The following REEP4 variants were observed in gnomAD, a reference collection of about 807,000 sequenced individuals.
The protein encoded by REEP4 is receptor accessory protein 4, also known as receptor expression-enhancing protein 4.
REEP4 carries 17 observed loss-of-function variants against 33.5 expected under a neutral mutation model. That is an observed-to-expected ratio of 0.51 (90% confidence interval 0.35 to 0.76). The LOEUF (loss-of-function observed/expected upper bound fraction) is 0.76. Among genes scored for constraint, REEP4 ranks in the 30% least tolerant of loss-of-function variants. The pLI is 0.01. For synonymous variants in REEP4, 157 were observed against 142.9 expected, an observed-to-expected ratio of 1.10 and a Z score of -0.70; for missense variants, 340 against 357.9, an observed-to-expected ratio of 0.95 and a Z score of 0.40.
Position 22,138,287 on chromosome 8 carries a change from C to T in REEP4, c.*200G>A, listed in dbSNP as rs778080077. ...GCAATAAATAGAACCCTGGGCCCAG[C>T]CTGCTTTGGTACATTGTGGGTGCAT... On this transcript the variant is annotated 3_prime_UTR_variant, in exon 8 of 8. Coordinates refer to ENST00000306306, the MANE Select transcript of REEP4 (RefSeq NM_025232.4). 3 of 717,244 alleles carry T rather than the reference C, an allele frequency of 4.2e-6. No homozygotes were observed. Among genetic ancestry groups the T allele is most frequent in the Non-Finnish European group, 7.5e-6 (3 of 400,804 alleles). 44.4% of individuals were successfully genotyped at this position (717,244 alleles called of 1,614,324 possible). A position where few individuals can be genotyped will look rare whatever the true frequency, so the allele number is the denominator to read the frequency against.
intron 1 of REEP4, 147 bp downstream of exon 1, chr8:22,141,304 G>T: frequency 1.0e-6 from 1 of 972,184 alleles, no homozygotes; most frequent in Non-Finnish European, 1.5e-6. Context: ...GACACCGCGT[G>T]CAAGCCCACA....
At position 22,140,789 on chromosome 8, in the gene REEP4, C is replaced by A. The variant is rs1586400238; in HGVS notation, c.33-92G>T. 1.4e-5 allele frequency: 15 copies of A among 1,065,250 alleles called. No homozygotes were observed. In the East Asian group the frequency reaches 3.6e-4, roughly 25 times the overall value. The allele number at this position is 1,065,250 out of a possible 1,614,324, so 66.0% of individuals were successfully genotyped here. ...TTCCCCCCACTGGGGTGCAAGGTGG[C>A]AGTACCCGCCCTGTTTTTCTCGCTT... On this transcript the variant is annotated intron_variant, in intron 1 of 7. Transcript: ENST00000306306.
In REEP4 at chr8:22,140,494, C is replaced by T. The variant is rs1015924350; in HGVS notation, c.105+131G>A. ...TCTATCTACACCCTCTTGAACAGGG[C>T]CCATTCTCTCTCCCTCCCCACTCCA... On this transcript the variant is annotated intron_variant, in intron 2 of 7. Transcript: ENST00000306306. The T allele has an allele frequency of 6.8e-6, 6 of 880,980 alleles. No individual in the cohort carries two copies. The African/African-American group carries it at 1.0e-4, about 15-fold the overall frequency. 54.6% of individuals were successfully genotyped at this position (880,980 alleles called of 1,614,324 possible). A position where few individuals can be genotyped will look rare whatever the true frequency, so the allele number is the denominator to read the frequency against.
Position 22,138,728 on chromosome 8 carries a change from C to A in REEP4, c.619G>T (p.Val207Phe). ...CGGGGCCGGGCTGGCGCCCGGGGGACTGCCTCAGTATCTGACCAACACTCA... is the reference window on the plus strand; with the variant it reads ...CGGGGCCGGGCTGGCGCCCGGGGGAATGCCTCAGTATCTGACCAACACTCA... ...EDECWSDTEA[V>F]PRAPARPREK... Residue 207 changes from valine (V) to phenylalanine (F), a missense_variant, in exon 7 of 8, where the codon GTC becomes TTC. By Grantham distance (50) the Val-to-Phe change is conservative (BLOSUM62 -1). Transcript: ENST00000306306. 6.2e-7 allele frequency: 1 copy of A among 1,613,104 alleles called. No individual in the cohort carries two copies. The highest frequency in any genetic ancestry group is 8.5e-7 in the Non-Finnish European group (1 of 1,179,794).
At position 22,138,703 on chromosome 8, in the gene REEP4, CG is replaced by C; in HGVS notation, c.643del (p.Arg215GlufsTer5). ...EAVPRAPARP[R>X]EKPLIRSQSL... is the part of the protein sequence containing the mutation. ...CTGGCTGCGGATTAGGGGCTTCTCT[CG>C]GGGCCGGGCTGGCGCCCGGGGGACT... On this transcript the variant is annotated frameshift_variant, in exon 7 of 8. Transcript: ENST00000306306. LOFTEE classifies it high-confidence loss of function. The C allele has an allele frequency of 2.5e-6, 4 of 1,613,084 alleles. No homozygotes were observed.
At position 22,138,670 on chromosome 8, in the gene REEP4, C is replaced by G. The variant is rs537439147; in HGVS notation, c.677G>C (p.Arg226Pro). The stretch of plus-strand genomic sequence containing the variant: ...CACCGGTGGCTTCCTCTTGACCACA[C>G]GCAGGCTCTGGCTGCGGATTAGGGG... ...EKPLIRSQSL[R>P]VVKRKPPVRE... The change falls in exon 7 of 8, where the codon CGT becomes CCT. Residue 226 changes from arginine to proline, a missense_variant. Coordinates refer to ENST00000306306, the MANE Select transcript of REEP4 (RefSeq NM_025232.4). 1.9e-6 allele frequency: 3 copies of G among 1,613,862 alleles called. No homozygotes were observed. The highest frequency in any genetic ancestry group is 2.5e-6 in the Non-Finnish European group (3 of 1,180,020).
At chr8:22,139,130 G>C (rs1215477024) in intron 5 of REEP4, 69 bp from the exon 6 acceptor site, 1 of 1,540,276 alleles carries the variant, frequency 6.5e-7, no homozygotes. Flanking sequence ...AATCACCGGA[G>C]CTGAGACGCA....
At chr8:22,139,087 G>C in intron 5 of REEP4, 26 bp from the exon 6 acceptor site, 1 of 1,561,326 alleles carries the variant, frequency 6.4e-7, no homozygotes, top group Non-Finnish European at 8.7e-7. Context: ...GGCTTCAGCG[G>C]GGAGGCTGCC....
chr8:22,140,822 A>G, intron 1 of REEP4, 125 bp from the exon 2 acceptor site: 1 of 795,600 alleles, frequency 1.3e-6, no homozygotes. Context: ...CTTGGCTTGT[A>G]CAACCCGTGC....
intron 5 of REEP4, 172 bp downstream of exon 5, chr8:22,139,243 GC>G: frequency 1.0e-6 from 1 of 982,394 alleles, no homozygotes; most frequent in Non-Finnish European, 1.6e-6. Flanking sequence ...CAGTGCCAGA[GC>G]CAGGAAGGAA....
chr8:22,140,522 C>A, intron 2 of REEP4, 103 bp downstream of exon 2: 2 of 1,040,992 alleles, frequency 1.9e-6, no homozygotes, highest in Admixed American at 1.9e-5. Context: ...CCACTCCACT[C>A]AGGATGTGCC....
In REEP4 at chr8:22,139,017, C is replaced by A; in HGVS notation, c.462G>T (p.Gln154His). The change falls in exon 6 of 8, where the codon CAG becomes CAT. Residue 154 changes from glutamine to histidine, a missense_variant. Transcript: ENST00000306306. ...LAGRLRSFSM[Q>H]DLRSISDAPA... Reference sequence around the variant, plus strand: ...GTGCGTCAGAGATGGAGCGCAGGTCCTGCATGGAGAAGCTCCGCAGCCTGC... The same window carrying A: ...GTGCGTCAGAGATGGAGCGCAGGTCATGCATGGAGAAGCTCCGCAGCCTGC... The A allele has an allele frequency of 6.2e-7, 1 of 1,602,588 alleles. No individual in the cohort carries two copies. Among genetic ancestry groups the A allele is most frequent in the Non-Finnish European group, 8.5e-7 (1 of 1,174,934 alleles).
intron 1 of REEP4, among the ~76,000 whole-genome samples, chr8:22,141,194 G>A (rs1293938133): frequency 6.6e-6 from 1 of 152,278 alleles, no homozygotes; most frequent in East Asian, 1.9e-4. Context: ...TAGGCCTGTG[G>A]CCCTCGGCTC....
At chr8:22,138,573 G>A (rs772203078) in intron 7 of REEP4, 21 bp from the exon 8 acceptor site, 3 of 1,613,908 alleles carry the variant, frequency 1.9e-6, no homozygotes, top group Non-Finnish European at 2.5e-6. Context: ...GGGAGGCACA[G>A]CATGAGGGTG....
chr8:22,138,523 C>T lies in REEP4; in HGVS notation c.738G>A (p.Thr246=), dbSNP rs772578590. The T allele has an allele frequency of 9.9e-6, 16 of 1,613,470 alleles. No homozygotes were observed. The highest frequency in any genetic ancestry group is 2.7e-5 in the African/African-American group (2 of 74,942). ...EGTSRSLKVR[T]RKKTVPSDVD... ...CGTCTGAGGGCACAGTCTTTTTCCT[C>T]GTCCGAACCTTCAGGGAGCGCGAGG... The change falls in exon 8 of 8, where the codon ACG becomes ACA. Residue 246 remains threonine, a synonymous_variant. Coordinates refer to ENST00000306306, the MANE Select transcript of REEP4 (RefSeq NM_025232.4).
Position 22,140,126 on chromosome 8 carries a change from G to T in REEP4, c.183-43C>A, listed in dbSNP as rs142774048. 75 of 1,613,878 alleles carry T rather than the reference G, an allele frequency of 4.6e-5. No individual in the cohort carries two copies. In the East Asian group the frequency reaches 1.5e-3, roughly 33 times the overall value. Reference sequence around the variant, plus strand: ...GCAGGGTGAGCCAAGGAGCAGGGCTGGGGGGGCCACCCCTGACCCATGGCT... The same window carrying T: ...GCAGGGTGAGCCAAGGAGCAGGGCTTGGGGGGCCACCCCTGACCCATGGCT... On this transcript the variant is annotated intron_variant, in intron 3 of 7. Transcript: ENST00000306306.
In REEP4 at chr8:22,138,246, G is replaced by A. The variant is rs557239833; in HGVS notation, c.*241C>T. 1 of 661,072 alleles carries A rather than the reference G, an allele frequency of 1.5e-6. No individual in the cohort carries two copies. Among genetic ancestry groups the A allele is most frequent in the Non-Finnish European group, 2.8e-6 (1 of 363,014 alleles). The allele number at this position is 661,072 out of a possible 1,614,324, so 41.0% of individuals were successfully genotyped here. A position where few individuals can be genotyped will look rare whatever the true frequency, so the allele number is the denominator to read the frequency against. On this transcript the variant is annotated 3_prime_UTR_variant, in exon 8 of 8. Coordinates refer to ENST00000306306, the MANE Select transcript of REEP4 (RefSeq NM_025232.4). Reference sequence around the variant, plus strand: ...GCTCTTGTCCCACAACCGGGGAAGGGAGAGGGCAGAGCAAGGCAATAAATA... The same window carrying A: ...GCTCTTGTCCCACAACCGGGGAAGGAAGAGGGCAGAGCAAGGCAATAAATA...
chr8:22,138,853 TTGGGGGAAGCCA>T, intron 6 of REEP4, 60 bp from the exon 7 acceptor site: 1 of 1,556,130 alleles, frequency 6.4e-7, no homozygotes, highest in Middle Eastern at 1.7e-4. Context: ...TCCTCGAGCC[TTGGGGGAAGCCA>T]TGGTGTGAGT....
Position 22,139,963 on chromosome 8 carries a change from C to A in REEP4, c.303G>T (p.Lys101Asn). 6.3e-7 allele frequency: 1 copy of A among 1,587,860 alleles called. No individual in the cohort carries two copies. The highest frequency in any genetic ancestry group is 8.6e-7 in the Non-Finnish European group (1 of 1,166,108). The part of the protein sequence containing the change: ...FVHPSLSRHE[K>N]EIDAYIVQAK... ...CCCTTCCCGCTTCCCCCTGGGGTAC[C>A]TTCTCATGGCGGGACAGGGACGGGT... Residue 101 changes from lysine (K) to asparagine (N), a missense_variant and splice_region_variant, in exon 4 of 8, where the codon AAG becomes AAT. Coordinates refer to ENST00000306306, the MANE Select transcript of REEP4 (RefSeq NM_025232.4).
Sources: allele counts gnomAD v4.1 joint callset (sites outside exome capture counted in the v4.1 genomes callset), GRCh38; gene constraint gnomAD v4.1.1; transcripts MANE v1.5; gene names NCBI Gene and HGNC (gene_info 2026-07-23, HGNC 2026-07-21).